CDH13: variants seen among roughly 807,000 people sequenced by gnomAD.
CDH13 encodes cadherin-13.
In CDH13, 24 loss-of-function variants were observed where a neutral mutation model predicts 63.8. The observed-to-expected ratio is 0.38, with a 90% CI of 0.27 to 0.53. The LOEUF (loss-of-function observed/expected upper bound fraction) is 0.53, where lower values mean the gene tolerates loss of function less well. Among genes scored for constraint, CDH13 ranks in the 20% least tolerant of loss-of-function variants. The pLI is 0.85. For missense variants in CDH13, 1,049 were observed against 903.1 expected (o/e 1.16, Z -2.07); for synonymous variants, 503 against 355.3 (o/e 1.42, Z -4.67).
intron 13 of CDH13, among the ~76,000 whole-genome samples, chr16:83,788,624 T>G (rs1916047975): frequency 6.6e-6 from 1 of 152,204 alleles, no homozygotes; most frequent in Non-Finnish European, 1.5e-5. Context: ...ACTGAGCTCT[T>G]GGGTCAAGTT....
chr16:82,783,446 C>T (rs1222856580), intron 1 of CDH13, among the ~76,000 whole-genome samples: 1 of 152,192 alleles, frequency 6.6e-6, no homozygotes, highest in African/African-American at 2.4e-5. Context: ...GCCTTCCACT[C>T]AGCTTGAATT....
intron 4 of CDH13, among the ~76,000 whole-genome samples, chr16:83,175,743 T>C (rs1266159621): frequency 6.6e-6 from 1 of 151,960 alleles, no homozygotes; most frequent in Non-Finnish European, 1.5e-5. Flanking sequence ...TATAGATCTC[T>C]ATACCTTCCT....
chr16:83,516,540 G>T (rs2074702678), intron 7 of CDH13, among the ~76,000 whole-genome samples: 1 of 152,192 alleles, frequency 6.6e-6, no homozygotes, highest in Non-Finnish European at 1.5e-5. Context: ...CTTATAGACT[G>T]CTTCAAAGGA....
At chr16:82,652,938 C>T (rs1368544471) in intron 1 of CDH13, among the ~76,000 whole-genome samples, 1 of 152,134 alleles carries the variant, frequency 6.6e-6, no homozygotes, top group East Asian at 1.9e-4. Flanking sequence ...TTCATTAGCT[C>T]ATTCATTCAT....
intron 10 of CDH13, among the ~76,000 whole-genome samples, chr16:83,732,027 C>G (rs1303340809): frequency 6.6e-6 from 1 of 152,196 alleles, no homozygotes; most frequent in East Asian, 1.9e-4. Flanking sequence ...GGTAATCATC[C>G]TGGTTTATTT....
intron 2 of CDH13, among the ~76,000 whole-genome samples, chr16:82,991,280 A>C (rs1297074514): frequency 6.6e-6 from 1 of 152,234 alleles, no homozygotes; most frequent in Non-Finnish European, 1.5e-5. Context: ...CATTTGCAAT[A>C]ATTTTGGTTT....
At chr16:83,471,854 C>A (rs979369458) in intron 6 of CDH13, among the ~76,000 whole-genome samples, 1 of 152,238 alleles carries the variant, frequency 6.6e-6, no homozygotes. Flanking sequence ...ATGGAGGAGA[C>A]CTTGGGATAT....
chr16:83,430,064 G>C (rs889725758), intron 6 of CDH13, among the ~76,000 whole-genome samples: 3 of 152,230 alleles, frequency 2.0e-5, no homozygotes, highest in African/African-American at 7.2e-5. Flanking sequence ...ACACAGTATG[G>C]AGTTTCCTCA....
chr16:83,427,108 G>T (rs1007541103), intron 6 of CDH13, among the ~76,000 whole-genome samples: 1 of 151,046 alleles, frequency 6.6e-6, no homozygotes, highest in Non-Finnish European at 1.5e-5. Flanking sequence ...TTGTATTTTG[G>T]GTAGAGACGG....
chr16:83,545,584 T>C (rs1214170158), intron 7 of CDH13, among the ~76,000 whole-genome samples: 1 of 152,164 alleles, frequency 6.6e-6, no homozygotes, highest in East Asian at 1.9e-4. Context: ...CCTATTTTGT[T>C]GCAGTGATGG....
intron 3 of CDH13, among the ~76,000 whole-genome samples, chr16:83,119,773 C>T (rs565966841): frequency 6.6e-6 from 1 of 152,246 alleles, no homozygotes; most frequent in Admixed American, 6.5e-5. Context: ...TATGATGGTT[C>T]TTACACGGTC....
At chr16:83,734,519 G>A (rs1911345155) in intron 10 of CDH13, among the ~76,000 whole-genome samples, 2 of 151,660 alleles carry the variant, frequency 1.3e-5, no homozygotes, top group South Asian at 2.1e-4. Flanking sequence ...ACTCATAGAT[G>A]GGAATTGAAC....
chr16:83,401,467 G>A (rs754024875), intron 6 of CDH13, among the ~76,000 whole-genome samples: 21 of 151,968 alleles, frequency 1.4e-4, no homozygotes, highest in African/African-American at 4.3e-4. Context: ...AGCTGAGATC[G>A]CATCACTGCA....
At position 82,997,331 on chromosome 16, in the gene CDH13, G is replaced by A. The variant is rs542802738; in HGVS notation, c.158-34679G>A. On this transcript the variant is annotated intron_variant, in intron 2 of 13. Transcript: ENST00000567109. ...TCAGTATTGTGATTGACCCTAATAC[G>A]TTTTCACTAATTGTTGGCTTCAGGG... 1.9e-3 allele frequency among the ~76,000 whole-genome samples: 295 copies of A among 152,252 alleles called. 2 individuals carry two copies. The highest frequency in any genetic ancestry group is 0.017 in the Middle Eastern group (5 of 294).
chr16:82,686,631 C>T (rs1323140416), intron 1 of CDH13, among the ~76,000 whole-genome samples: 1 of 152,050 alleles, frequency 6.6e-6, no homozygotes, highest in Non-Finnish European at 1.5e-5. Context: ...GAGAATATTC[C>T]TTTCCTCAAT....
chr16:83,761,930 G>C (rs1370219526), intron 11 of CDH13, among the ~76,000 whole-genome samples: 1 of 151,624 alleles, frequency 6.6e-6, no homozygotes, highest in African/African-American at 2.4e-5. Flanking sequence ...AGCCAGGCGT[G>C]GTTGTGCATG....
intron 10 of CDH13, among the ~76,000 whole-genome samples, chr16:83,681,861 G>A (rs2150876335): frequency 6.6e-6 from 1 of 151,396 alleles, no homozygotes; most frequent in African/African-American, 2.4e-5. Context: ...TTCTCAGACA[G>A]ATGCAACGGC....
chr16:83,684,032 T>C (rs765523233), intron 10 of CDH13, among the ~76,000 whole-genome samples: 2 of 152,170 alleles, frequency 1.3e-5, no homozygotes, highest in Non-Finnish European at 2.9e-5. Flanking sequence ...TATTCGAGTA[T>C]CTCTAATGAG....
At chr16:82,817,180 G>C (rs2037761066) in intron 1 of CDH13, among the ~76,000 whole-genome samples, 1 of 152,016 alleles carries the variant, frequency 6.6e-6, no homozygotes, top group African/African-American at 2.4e-5. Flanking sequence ...GCCCCCCACT[G>C]CAGGTACCTG....
Sources: gnomAD v4.1 joint callset for allele counts (sites outside exome capture counted in the v4.1 genomes callset) on GRCh38, gnomAD v4.1.1 for gene constraint, MANE v1.5 for transcripts, NCBI Gene and HGNC (gene_info 2026-07-23, HGNC 2026-07-21) for gene names.